Variants in UNC5D observed in about 807,000 individuals in gnomAD.
The protein encoded by UNC5D is netrin receptor UNC5D.
In UNC5D, 39 loss-of-function variants were observed where a neutral mutation model predicts 105.4. The observed-to-expected ratio is 0.37, with a 90% confidence interval of 0.29 to 0.48. The LOEUF is 0.48. UNC5D is among the 20% of genes least tolerant of loss of function. The probability of loss-of-function intolerance (pLI) is 0.98; values close to 1 mark genes in which losing one functional copy is unlikely to be tolerated. For missense variants in UNC5D, 991 were observed against 1,202.4 expected (o/e 0.82, Z 2.60); for synonymous variants, 452 against 450.4 (o/e 1.00, Z -0.04).
chr8:35,704,464 G>A (rs536551188), intron 7 of UNC5D, among the ~76,000 whole-genome samples: 32 of 152,302 alleles, frequency 2.1e-4, no homozygotes, highest in Admixed American at 7.2e-4. Context: ...AATGTGTACC[G>A]TACAGGATTT....
intron 1 of UNC5D, among the ~76,000 whole-genome samples, chr8:35,404,650 C>T (rs1804687442): frequency 6.6e-6 from 1 of 151,936 alleles, no homozygotes; most frequent in Non-Finnish European, 1.5e-5. Flanking sequence ...TGCAGTGGTG[C>T]AATCTCGACT....
At chr8:35,663,060 C>G (rs1824208265) in intron 4 of UNC5D, among the ~76,000 whole-genome samples, 1 of 152,186 alleles carries the variant, frequency 6.6e-6, no homozygotes, top group South Asian at 2.1e-4. Flanking sequence ...CACCCCAGGT[C>G]CGTGGAAAAA....
rs990272675 is a variant in UNC5D, at chr8:35,712,186, G to A, written c.1117+6225G>A. The stretch of plus-strand genomic sequence containing the variant: ...CTCGGGAGGCTGAGGCAGAAGAATC[G>A]CTTGAACCCAGGAGGCAGAGGTTAC... On this transcript the variant is annotated intron_variant, in intron 8 of 16. Coordinates refer to ENST00000404895, the MANE Select transcript of UNC5D (RefSeq NM_080872.4). Among the ~76,000 whole-genome samples the A allele has an allele frequency of 1.1e-4, 17 of 152,252 alleles. 1 individual carries two copies. The highest frequency in any genetic ancestry group is 1.4e-4 in the African/African-American group (6 of 41,540).
intron 11 of UNC5D, among the ~76,000 whole-genome samples, chr8:35,735,624 A>G (rs1019556142): frequency 1.1e-4 from 16 of 152,322 alleles, no homozygotes; most frequent in African/African-American, 3.8e-4. Flanking sequence ...ATAGCAAGGC[A>G]TGAAATAAGA....
chr8:35,711,142 G>A (rs1252032464), intron 8 of UNC5D, among the ~76,000 whole-genome samples: 1 of 150,328 alleles, frequency 6.7e-6, no homozygotes, highest in Non-Finnish European at 1.5e-5. Context: ...CACTTAACAT[G>A]TATATGATCT....
chr8:35,243,688 A>C (rs1802928255), intron 1 of UNC5D, among the ~76,000 whole-genome samples: 2 of 152,146 alleles, frequency 1.3e-5, no homozygotes, highest in Admixed American at 1.3e-4. Flanking sequence ...CAGTGAGTCC[A>C]TATGGGGTAG....
chr8:35,309,594 G>C (rs544416818), intron 1 of UNC5D, among the ~76,000 whole-genome samples: 4 of 152,296 alleles, frequency 2.6e-5, no homozygotes, highest in Admixed American at 6.5e-5. Flanking sequence ...GTTAGTTGTG[G>C]ATAGTTGTTA....
At chr8:35,460,798 A>G (rs1808831662) in intron 1 of UNC5D, among the ~76,000 whole-genome samples, 1 of 152,126 alleles carries the variant, frequency 6.6e-6, no homozygotes, top group South Asian at 2.1e-4. Flanking sequence ...TGTTCTGGGC[A>G]TATGCCCTTC....
chr8:35,771,226 A>G (rs1480830008), intron 15 of UNC5D, among the ~76,000 whole-genome samples: 3 of 152,230 alleles, frequency 2.0e-5, no homozygotes, highest in Non-Finnish European at 4.4e-5. Context: ...GATATCATGC[A>G]TCAAGGTGGT....
In UNC5D at chr8:35,541,632, C is replaced by T. The variant is rs1020068397; in HGVS notation, c.104-7660C>T. ...GGGGTAATCTTCCCTGTGATGCCTG[C>T]CATAAACCCTCCCAGGGACAGTTAG... On this transcript the variant is annotated intron_variant, in intron 1 of 16. Transcript: ENST00000404895. 7.2e-5 allele frequency among the ~76,000 whole-genome samples: 11 copies of T among 152,266 alleles called. No individual in the cohort carries two copies. In the South Asian group the frequency reaches 2.3e-3, roughly 32 times the overall value.
At chr8:35,663,566 T>C (rs902191844) in intron 4 of UNC5D, among the ~76,000 whole-genome samples, 6 of 152,194 alleles carry the variant, frequency 3.9e-5, no homozygotes, top group Non-Finnish European at 5.9e-5. Flanking sequence ...CATGCTCTGG[T>C]GCTGGTGGTG....
Position 35,774,416 on chromosome 8 carries a change from G to C in UNC5D, c.2596G>C (p.Asp866His), listed in dbSNP as rs1042692792. 1 of 1,614,096 alleles carries C rather than the reference G, an allele frequency of 6.2e-7. No homozygotes were observed. The highest frequency in any genetic ancestry group is 8.5e-7 in the Non-Finnish European group (1 of 1,179,988). ...SIRQRICATFDTPNAKGKDWQ... is the reference protein window; with the variant it reads ...SIRQRICATFHTPNAKGKDWQ... ...CAGACAGCGGATTTGTGCTACATTT[G>C]ATACCCCCAATGCCAAAGGCAAGGA... Residue 866 changes from aspartate (D) to histidine (H), a missense_variant, in exon 16 of 17, where the codon GAT becomes CAT. Asp to His is a moderately conservative substitution (Grantham distance 81). Coordinates refer to ENST00000404895, the MANE Select transcript of UNC5D (RefSeq NM_080872.4).
intron 1 of UNC5D, among the ~76,000 whole-genome samples, chr8:35,310,231 C>T (rs1455222611): frequency 6.6e-6 from 1 of 152,138 alleles, no homozygotes; most frequent in East Asian, 1.9e-4. Flanking sequence ...TTAATATCTT[C>T]TTTGCAAATC....
intron 1 of UNC5D, among the ~76,000 whole-genome samples, chr8:35,306,595 A>AGTT: frequency 6.6e-6 from 1 of 152,154 alleles, no homozygotes; most frequent in African/African-American, 2.4e-5. Context: ...AAATATTAGT[A>AGTT]ACTGTTGGTT....
intron 13 of UNC5D, among the ~76,000 whole-genome samples, chr8:35,757,255 A>C (rs1457908517): frequency 6.6e-6 from 1 of 152,132 alleles, no homozygotes; most frequent in Non-Finnish European, 1.5e-5. Flanking sequence ...AACATTACTC[A>C]AAAATAAAAT....
intron 1 of UNC5D, among the ~76,000 whole-genome samples, chr8:35,295,565 A>G (rs756158381): frequency 1.3e-5 from 2 of 152,308 alleles, no homozygotes; most frequent in Non-Finnish European, 2.9e-5. Context: ...ATAAAATAGT[A>G]TATATTTCAG....
At chr8:35,308,317 T>C (rs1808597592) in intron 1 of UNC5D, among the ~76,000 whole-genome samples, 1 of 152,080 alleles carries the variant, frequency 6.6e-6, no homozygotes, top group South Asian at 2.1e-4. Context: ...TACAATCTCA[T>C]CTGGGATTCC....
intron 1 of UNC5D, among the ~76,000 whole-genome samples, chr8:35,538,381 T>A (rs1211591800): frequency 8.7e-6 from 1 of 114,442 alleles, no homozygotes; most frequent in Non-Finnish European, 1.8e-5. Flanking sequence ...CAGTCGTGAT[T>A]TAAAAAAAAA....
chr8:35,710,952 T>TG (rs1827905759), intron 8 of UNC5D, among the ~76,000 whole-genome samples: 9 of 134,478 alleles, frequency 6.7e-5, no homozygotes, highest in South Asian at 2.4e-4. Flanking sequence ...TTTTTTTTTT[T>TG]TTTTGAGACG....
Sources: gnomAD v4.1 joint callset for allele counts (sites outside exome capture counted in the v4.1 genomes callset) on GRCh38, gnomAD v4.1.1 for gene constraint, MANE v1.5 for transcripts, NCBI Gene and HGNC (gene_info 2026-07-23, HGNC 2026-07-21) for gene names.